PTPN11: variants seen among roughly 807,000 people sequenced by gnomAD.
PTPN11 encodes the protein tyrosine-protein phosphatase non-receptor type 11.
A neutral mutation model predicts 78.8 loss-of-function variants in PTPN11; 6 were observed. The ratio of observed to expected loss-of-function variants is 0.08; its 90% CI spans 0.04 to 0.15. The LOEUF is 0.15. PTPN11 is among the 10% of genes least tolerant of loss of function. The pLI is 1.00. For missense variants in PTPN11, 386 were observed against 744.8 expected, an observed-to-expected ratio of 0.52 and a Z score of 5.61; for synonymous variants, 221 against 263.5, an observed-to-expected ratio of 0.84 and a Z score of 1.56.
At chr12:112,497,189 A>AT (rs2038824551) in intron 13 of PTPN11, among the ~76,000 whole-genome samples, 1 of 152,040 alleles carries the variant, frequency 6.6e-6, no homozygotes, top group Non-Finnish European at 1.5e-5. Context: ...AAAAAAAAAA[A>AT]AAATTCCATA....
At chr12:112,455,770 C>T (rs748106251) in intron 5 of PTPN11, among the ~76,000 whole-genome samples, 180 bp from the exon 6 acceptor site, 4 of 151,910 alleles carry the variant, frequency 2.6e-5, no homozygotes, top group Non-Finnish European at 5.9e-5. Flanking sequence ...CATTTTCTGG[C>T]TGAACAGAAA....
At chr12:112,420,577 C>A (rs565588909) in intron 1 of PTPN11, among the ~76,000 whole-genome samples, 2 of 152,202 alleles carry the variant, frequency 1.3e-5, no homozygotes, top group East Asian at 3.9e-4. Context: ...CTCCTGACCT[C>A]GTGATCCGCC....
chr12:112,493,383 A>ATT (rs60572157), intron 13 of PTPN11, among the ~76,000 whole-genome samples: 21 of 130,622 alleles, frequency 1.6e-4, no homozygotes, highest in Non-Finnish European at 1.8e-4. Context: ...TTAAGTGTAC[A>ATT]TTTTTTTTTT....
rs185963195 is a variant in PTPN11, at chr12:112,492,738, T to C, written c.1599+3563T>C. 4.8e-3 allele frequency among the ~76,000 whole-genome samples: 737 copies of C among 152,130 alleles called. 4 individuals are homozygous for C. The highest frequency in any genetic ancestry group is 0.014 in the Middle Eastern group (4 of 294). On this transcript the variant is annotated intron_variant, in intron 13 of 15. Coordinates refer to ENST00000351677, the MANE Select transcript of PTPN11 (RefSeq NM_002834.5). ...CTCACCGTGTTAGCCAGGATGGTCT[T>C]GATCTCCTGACCTTGTGATCTGCCC...
At chr12:112,433,688 T>C (rs1415785703) in intron 1 of PTPN11, among the ~76,000 whole-genome samples, 1 of 152,012 alleles carries the variant, frequency 6.6e-6, no homozygotes, top group Admixed American at 6.5e-5. Context: ...CAGTGGCTCA[T>C]GCCTATAATC....
In PTPN11 at chr12:112,418,987, G is replaced by A; in HGVS notation, c.-125G>A. The A allele has an allele frequency of 8.0e-7, 1 of 1,251,674 alleles. No homozygotes were observed. The highest frequency in any genetic ancestry group is 1.1e-6 in the Non-Finnish European group (1 of 896,934). The allele number at this position is 1,251,674 out of a possible 1,614,324, so 77.5% of individuals were successfully genotyped here. ...CAGGCCTGGAGGGGGGTCTGTGCGC[G>A]GCCGGCTGGCTCTGCCCCGCGTCCG... On this transcript the variant is annotated 5_prime_UTR_variant, in exon 1 of 16. Transcript: ENST00000351677.
chr12:112,453,477 G>A, intron 4 of PTPN11, 90 bp downstream of exon 4: 2 of 998,794 alleles, frequency 2.0e-6, no homozygotes, highest in Non-Finnish European at 3.1e-6. Flanking sequence ...TACATTCAAA[G>A]TCAGATTGTC....
chr12:112,492,768 T>C (rs1034057236), intron 13 of PTPN11, among the ~76,000 whole-genome samples: 13 of 152,158 alleles, frequency 8.5e-5, no homozygotes, highest in East Asian at 1.9e-4. Flanking sequence ...CTGCCCGCCT[T>C]GGCCTCCCAA....
chr12:112,428,528 G>A (rs1351010315), intron 1 of PTPN11, among the ~76,000 whole-genome samples: 8 of 150,402 alleles, frequency 5.3e-5, no homozygotes, highest in African/African-American at 1.7e-4. Context: ...TCTCAGGGTC[G>A]AATGAACTCT....
rs2135916370 is a variant in PTPN11, at chr12:112,489,089, G to A, written c.1513G>A (p.Val505Ile). The change falls in exon 13 of 16, where the codon GTC (valine) becomes ATC (isoleucine). Residue 505 changes from valine (V) to isoleucine (I), a missense_variant. Physicochemically the swap from Val to Ile is conservative, Grantham distance 29. Coordinates refer to ENST00000351677, the MANE Select transcript of PTPN11 (RefSeq NM_002834.5). The part of the protein sequence containing the change: ...QMVRSQRSGM[V>I]QTEAQYRFIY... ...GGTGCGGTCTCAGAGGTCAGGGATG[G>A]TCCAGACAGAAGCACAGTACCGATT... 2.5e-6 allele frequency: 4 copies of A among 1,614,136 alleles called. No individual in the cohort carries two copies. Among genetic ancestry groups the A allele is most frequent in the Non-Finnish European group, 3.4e-6 (4 of 1,180,018 alleles).
At chr12:112,451,590 T>TA (rs1391780154) in intron 3 of PTPN11, among the ~76,000 whole-genome samples, 9 of 152,194 alleles carry the variant, frequency 5.9e-5, no homozygotes, top group African/African-American at 2.2e-4. Flanking sequence ...CATTCAGACT[T>TA]ACATGTATTG....
chr12:112,489,959 C>G (rs188073210), intron 13 of PTPN11, among the ~76,000 whole-genome samples: 3 of 152,132 alleles, frequency 2.0e-5, no homozygotes, highest in African/African-American at 7.2e-5. Context: ...ACAGCAGCCA[C>G]GTTATCAAAG....
chr12:112,476,205 A>G (rs181060762), intron 7 of PTPN11, among the ~76,000 whole-genome samples: 1 of 152,350 alleles, frequency 6.6e-6, no homozygotes, highest in Admixed American at 6.5e-5. Context: ...AATGGTATGC[A>G]GTATCTAAAT....
chr12:112,423,262 A>G (rs143737920), intron 1 of PTPN11, among the ~76,000 whole-genome samples: 74 of 152,300 alleles, frequency 4.9e-4, no homozygotes, highest in African/African-American at 1.7e-3. Context: ...AATGAATTTG[A>G]TAAAGCTAGT....
At chr12:112,425,770 C>T (rs540003374) in intron 1 of PTPN11, among the ~76,000 whole-genome samples, 2 of 152,250 alleles carry the variant, frequency 1.3e-5, no homozygotes, top group Admixed American at 6.5e-5. Flanking sequence ...ACTCTGTCAC[C>T]CAGGCTGGAG....
At chr12:112,473,548 C>T (rs1566178898) in intron 7 of PTPN11, among the ~76,000 whole-genome samples, 1 of 152,054 alleles carries the variant, frequency 6.6e-6, no homozygotes, top group African/African-American at 2.4e-5. Flanking sequence ...CTAAACTGCT[C>T]AGAAGAAGAC....
At chr12:112,447,505 T>A (rs530128072) in intron 2 of PTPN11, among the ~76,000 whole-genome samples, 139 of 146,440 alleles carry the variant, frequency 9.5e-4, no homozygotes, top group African/African-American at 3.3e-3. Flanking sequence ...TAACGATCTA[T>A]TTTTTTTTTT....
At chr12:112,438,216 G>C (rs901178187) in intron 1 of PTPN11, among the ~76,000 whole-genome samples, 1 of 152,146 alleles carries the variant, frequency 6.6e-6, no homozygotes, top group Non-Finnish European at 1.5e-5. Flanking sequence ...GTCACTCACT[G>C]ACGTTTGGTA....
chr12:112,453,850 G>T (rs1035455842), intron 4 of PTPN11, among the ~76,000 whole-genome samples: 7 of 151,506 alleles, frequency 4.6e-5, no homozygotes, highest in Admixed American at 4.6e-4. Context: ...GTGTTTTGCC[G>T]CATTGCCCAG....
Sources: allele counts gnomAD v4.1 joint callset (sites outside exome capture counted in the v4.1 genomes callset), GRCh38; gene constraint gnomAD v4.1.1; transcripts MANE v1.5; gene names NCBI Gene and HGNC (gene_info 2026-07-23, HGNC 2026-07-21).